TXNDC12: variants seen among roughly 807,000 people sequenced by gnomAD.
TXNDC12 encodes the protein thioredoxin domain containing 12.
In TXNDC12, 22 loss-of-function variants were observed where a neutral mutation model predicts 24.2. The ratio of observed to expected loss-of-function variants is 0.91; its 90% CI spans 0.65 to 1.30. The LOEUF (loss-of-function observed/expected upper bound fraction) is 1.30. TXNDC12 is among the 50% of genes most tolerant of loss of function. The pLI, the probability that TXNDC12 is intolerant of heterozygous loss-of-function variation, is 0.00. For missense variants in TXNDC12, 184 were observed against 205.8 expected, an observed-to-expected ratio of 0.89 and a Z score of 0.65; for synonymous variants, 58 against 73.4, an observed-to-expected ratio of 0.79 and a Z score of 1.07.
chr1:52,043,004 C>A (rs1184527161), intron 1 of TXNDC12, among the ~76,000 whole-genome samples: 1 of 152,142 alleles, frequency 6.6e-6, no homozygotes, highest in Non-Finnish European at 1.5e-5. Context: ...AGGTGATCTG[C>A]CAGCCTCCTC....
intron 2 of TXNDC12, among the ~76,000 whole-genome samples, chr1:52,029,511 G>A (rs1262965610): frequency 6.6e-6 from 1 of 152,190 alleles, no homozygotes; most frequent in Non-Finnish European, 1.5e-5. Flanking sequence ...TAAGTAGGTA[G>A]CCATTAGCTT....
chr1:52,032,048 T>C (rs1218314965), intron 2 of TXNDC12: 1 of 759,200 alleles, frequency 1.3e-6, no homozygotes, highest in African/African-American at 1.9e-5. Context: ...ATGACAAGTA[T>C]ACCTAAAATG....
intron 1 of TXNDC12, among the ~76,000 whole-genome samples, chr1:52,051,358 A>G (rs990512646): frequency 1.3e-5 from 2 of 152,058 alleles, no homozygotes; most frequent in African/African-American, 4.8e-5. Flanking sequence ...TCAGGATTAC[A>G]ATCCAGGCCT....
intron 2 of TXNDC12, chr1:52,033,340 T>C: frequency 6.2e-7 from 1 of 1,613,766 alleles, no homozygotes; most frequent in Non-Finnish European, 8.5e-7. Context: ...GGCTCTCCCG[T>C]CCTCCTCAGC....
At chr1:52,047,928 C>T (rs1308215964) in intron 1 of TXNDC12, among the ~76,000 whole-genome samples, 1 of 151,754 alleles carries the variant, frequency 6.6e-6, no homozygotes, top group Non-Finnish European at 1.5e-5. Context: ...AAGAAAAGAA[C>T]TAGAATGCCA....
intron 2 of TXNDC12, among the ~76,000 whole-genome samples, chr1:52,031,396 G>C (rs141242408): frequency 1.3e-5 from 2 of 151,882 alleles, no homozygotes; most frequent in African/African-American, 4.8e-5. Flanking sequence ...CTGACCTTGT[G>C]ATCCACCCGC....
At chr1:52,048,491 A>AG (rs1243128035) in intron 1 of TXNDC12, among the ~76,000 whole-genome samples, 1 of 150,844 alleles carries the variant, frequency 6.6e-6, no homozygotes, top group East Asian at 1.9e-4. Context: ...AAAAAAAAAA[A>AG]GCATGCCTAA....
intron 2 of TXNDC12, chr1:52,033,117 G>A (rs1272359329): frequency 6.2e-7 from 1 of 1,613,464 alleles, no homozygotes; most frequent in South Asian, 1.1e-5. Flanking sequence ...GAGCCTCAAA[G>A]CGCAGCGTTA....
At chr1:52,024,326 A>G (rs897280442) in intron 5 of TXNDC12, among the ~76,000 whole-genome samples, 184 bp downstream of exon 5, 14 of 152,142 alleles carry the variant, frequency 9.2e-5, no homozygotes, top group Non-Finnish European at 2.1e-4. Context: ...GCAGTTAGTT[A>G]ATGGGAAAAG....
At chr1:52,023,128 A>G (rs1231208972) in intron 6 of TXNDC12, 1 of 207,290 alleles carries the variant, frequency 4.8e-6, no homozygotes, top group Non-Finnish European at 9.7e-6. Context: ...TGTTCACCTA[A>G]CACTATTCCT....
At chr1:52,028,551 G>A (rs776139116) in intron 3 of TXNDC12, 27 bp downstream of exon 3, 2 of 1,594,828 alleles carry the variant, frequency 1.3e-6, no homozygotes, top group Non-Finnish European at 1.7e-6. Context: ...TCTGAGTTTT[G>A]AATTTAGATT....
intron 4 of TXNDC12, among the ~76,000 whole-genome samples, chr1:52,025,985 C>T (rs1685666765): frequency 2.0e-5 from 3 of 151,920 alleles, no homozygotes. Context: ...CGCACCACCA[C>T]ACCCAGCTAA....
chr1:52,054,240 T>C lies in TXNDC12; in HGVS notation c.97+760A>G, dbSNP rs1042241597. On this transcript the variant is annotated intron_variant, in intron 1 of 6. Coordinates refer to ENST00000371626, the MANE Select transcript of TXNDC12 (RefSeq NM_015913.4). ...TGAAAAAAAAAAAAGGAAGAGGGGTTGGGATCCATGCTACAATTCATCTAC... is the reference window on the plus strand; with the variant it reads ...TGAAAAAAAAAAAAGGAAGAGGGGTCGGGATCCATGCTACAATTCATCTAC... Among the ~76,000 whole-genome samples, 3 of 150,238 alleles carry C rather than the reference T, an allele frequency of 2.0e-5. 1 individual carries two copies. The highest frequency in any genetic ancestry group is 2.0e-4 in the Admixed American group (3 of 15,070).
Position 52,041,578 on chromosome 1 carries a change from A to G in TXNDC12, c.117T>C (p.His39=). The change falls in exon 2 of 7, where the codon CAT becomes CAC. Residue 39 remains histidine, a synonymous_variant. Transcript: ENST00000371626. ...GLGKGFGDHI[H]WRTLEDGKKE... ...TCTTCCCATCTTCCAGTGTCCTCCA[A>G]TGAATATGATCTCCAAAACCTGGAA... 1 of 1,612,196 alleles carries G rather than the reference A, an allele frequency of 6.2e-7. No individual in the cohort carries two copies. Among genetic ancestry groups the G allele is most frequent in the Middle Eastern group, 1.7e-4 (1 of 6,060 alleles).
chr1:52,036,273 ATAAAG>A (rs1472403894), intron 2 of TXNDC12, among the ~76,000 whole-genome samples: 4 of 152,226 alleles, frequency 2.6e-5, no homozygotes, highest in Admixed American at 2.6e-4. Flanking sequence ...TATTCTTACA[ATAAAG>A]TAAACTAGAG....
intron 3 of TXNDC12, among the ~76,000 whole-genome samples, chr1:52,027,776 A>G (rs1685694191): frequency 6.7e-6 from 1 of 148,480 alleles, no homozygotes. Flanking sequence ...TATATATTAT[A>G]TGTTATATAT....
chr1:52,038,103 CTT>C (rs1450721598), intron 2 of TXNDC12, among the ~76,000 whole-genome samples: 1 of 151,796 alleles, frequency 6.6e-6, no homozygotes, highest in Non-Finnish European at 1.5e-5. Context: ...AATTTTTGTA[CTT>C]TTTGTAGAGA....
At chr1:52,041,425 A>C (rs1685987910) in intron 2 of TXNDC12, 112 bp downstream of exon 2, 3 of 592,114 alleles carry the variant, frequency 5.1e-6, no homozygotes, top group Non-Finnish European at 9.0e-6. Context: ...GTAATTAGGC[A>C]ACTATTCAGT....
chr1:52,041,615 T>C lies in TXNDC12; in HGVS notation c.98-18A>G, dbSNP rs147747388. 9.7e-4 allele frequency: 1,532 copies of C among 1,580,458 alleles called. 24 individuals carry two copies. The South Asian group carries it at 0.012, about 12-fold the overall frequency. On this transcript the variant is annotated intron_variant, in intron 1 of 6. Transcript: ENST00000371626. Reference sequence around the variant, plus strand: ...TCCAAAACCTGGAAGGAAAGAACTTTATAAGCATTCACATAATGAACAAAG... The same window carrying C: ...TCCAAAACCTGGAAGGAAAGAACTTCATAAGCATTCACATAATGAACAAAG...
Sources: gnomAD v4.1 joint callset for allele counts (sites outside exome capture counted in the v4.1 genomes callset) on GRCh38, gnomAD v4.1.1 for gene constraint, MANE v1.5 for transcripts, NCBI Gene and HGNC (gene_info 2026-07-23, HGNC 2026-07-21) for gene names.